ANKRD11: variants seen among roughly 807,000 people sequenced by gnomAD.
ANKRD11 encodes the protein ankyrin repeat domain-containing protein 11.
A neutral mutation model predicts 195.7 loss-of-function variants in ANKRD11; 17 were observed. The ratio of observed to expected loss-of-function variants is 0.09; its 90% confidence interval spans 0.06 to 0.13. The LOEUF (loss-of-function observed/expected upper bound fraction) is 0.13, where lower values mean the gene tolerates loss of function less well. Ranked by LOEUF, ANKRD11 falls within the 10% of genes least tolerant of loss-of-function variation. ANKRD11 has a pLI of 1.00. For synonymous variants in ANKRD11, 1,953 were observed against 1,528.1 expected (o/e 1.28, Z -6.49); for missense variants, 3,735 against 3,566.1 (o/e 1.05, Z -1.21).
intron 1 of ANKRD11, among the ~76,000 whole-genome samples, chr16:89,418,838 C>T (rs1292177427): frequency 6.6e-6 from 1 of 151,078 alleles, no homozygotes; most frequent in Non-Finnish European, 1.5e-5. Context: ...GATCTCAGCT[C>T]ACTGCAACCT....
intron 1 of ANKRD11, among the ~76,000 whole-genome samples, chr16:89,485,776 C>A (rs1224244578): frequency 6.6e-6 from 1 of 152,138 alleles, no homozygotes; most frequent in African/African-American, 2.4e-5. Flanking sequence ...CCAAAGAGAT[C>A]ATTTTTTCTT....
At chr16:89,430,823 C>T (rs2042946813) in intron 1 of ANKRD11, among the ~76,000 whole-genome samples, 1 of 152,182 alleles carries the variant, frequency 6.6e-6, no homozygotes, top group Admixed American at 6.5e-5. Flanking sequence ...AGGGAGTTTG[C>T]TCCTCACATA....
Position 89,280,479 on chromosome 16 carries a change from A to C in ANKRD11, c.6063T>G (p.Ser2021=), listed in dbSNP as rs2034114376. The part of the protein sequence containing the change: ...SEAPYPAPPA[S]PAPYALPVAE... ...CGACGGGCAGAGCGTACGGGGCAGG[A>C]GAGGCGGGAGGGGCGGGGTACGGCG... The change falls in exon 9 of 13, where the codon TCT becomes TCG. Residue 2021 remains serine (S), a synonymous_variant. Coordinates refer to ENST00000301030, the MANE Select transcript of ANKRD11 (RefSeq NM_013275.6). 1 of 1,587,094 alleles carries C rather than the reference A, an allele frequency of 6.3e-7. No individual in the cohort carries two copies. Among genetic ancestry groups the C allele is most frequent in the Non-Finnish European group, 8.6e-7 (1 of 1,167,302 alleles).
intron 3 of ANKRD11, among the ~76,000 whole-genome samples, chr16:89,314,540 C>G (rs1030413446): frequency 4.6e-5 from 7 of 152,208 alleles, no homozygotes; most frequent in Admixed American, 4.6e-4. Context: ...GCTCTTCCGG[C>G]CTTTCTCGTC....
At chr16:89,352,689 C>A (rs1354453308) in intron 2 of ANKRD11, among the ~76,000 whole-genome samples, 3 of 152,228 alleles carry the variant, frequency 2.0e-5, no homozygotes, top group African/African-American at 7.2e-5. Context: ...CCTTCTCCAC[C>A]CAATTCACCA....
At chr16:89,427,043 GTCA>G (rs1205108350) in intron 1 of ANKRD11, among the ~76,000 whole-genome samples, 1 of 152,090 alleles carries the variant, frequency 6.6e-6, no homozygotes, top group African/African-American at 2.4e-5. Context: ...AAGGTCTTCA[GTCA>G]GTCAGTCAAT....
chr16:89,349,911 CAT>C (rs562418708), intron 2 of ANKRD11, among the ~76,000 whole-genome samples: 19,448 of 85,650 alleles, frequency 0.23, 1,416 homozygotes, highest in Middle Eastern at 0.34. Context: ...CACACACACA[CAT>C]ATTCAAACAA....
At chr16:89,452,097 A>G (rs980649271) in intron 1 of ANKRD11, among the ~76,000 whole-genome samples, 1 of 151,672 alleles carries the variant, frequency 6.6e-6, no homozygotes, top group African/African-American at 2.4e-5. Flanking sequence ...CATCTCTACT[A>G]AAATACAAAA....
intron 1 of ANKRD11, among the ~76,000 whole-genome samples, chr16:89,483,971 T>C (rs1384909764): frequency 6.6e-6 from 1 of 152,190 alleles, no homozygotes; most frequent in African/African-American, 2.4e-5. Flanking sequence ...ACAATTATAG[T>C]GAAGAAAAAA....
At chr16:89,430,887 G>T (rs888320520) in intron 1 of ANKRD11, among the ~76,000 whole-genome samples, 2 of 152,146 alleles carry the variant, frequency 1.3e-5, no homozygotes, top group South Asian at 4.1e-4. Context: ...CCCTGCCTGT[G>T]CTCTCCTCTT....
At chr16:89,355,608 A>G (rs530116684) in intron 2 of ANKRD11, among the ~76,000 whole-genome samples, 1 of 152,294 alleles carries the variant, frequency 6.6e-6, no homozygotes, top group East Asian at 1.9e-4. Context: ...AATAGACTGA[A>G]ATGTCACAGT....
At chr16:89,326,473 G>A (rs1000291388) in intron 2 of ANKRD11, among the ~76,000 whole-genome samples, 8 of 151,408 alleles carry the variant, frequency 5.3e-5, no homozygotes, top group Non-Finnish European at 1.2e-4. Flanking sequence ...GGCCAGGCAC[G>A]GTGGCTCACC....
chr16:89,289,089 G>A (rs2034853373), intron 6 of ANKRD11: 2 of 284,950 alleles, frequency 7.0e-6, no homozygotes, highest in Non-Finnish European at 1.4e-5. Flanking sequence ...GAAGGCTGAA[G>A]AGCTGCTACA....
At chr16:89,297,515 TACAGC>T (rs1046430951) in intron 4 of ANKRD11, 1 of 152,006 alleles carries the variant, frequency 6.6e-6, no homozygotes, top group Non-Finnish European at 1.5e-5. Flanking sequence ...AGCCATGAAA[TACAGC>T]ACTTCTGGCC....
intron 2 of ANKRD11, among the ~76,000 whole-genome samples, chr16:89,402,953 A>T (rs2041761147): frequency 6.6e-6 from 1 of 152,134 alleles, no homozygotes; most frequent in African/African-American, 2.4e-5. Context: ...CTGCCAGTGG[A>T]GACCTCTTTT....
Position 89,490,502 on chromosome 16 carries a change from C to T in ANKRD11, c.-402G>A, listed in dbSNP as rs1166254207. The T allele has an allele frequency of 8.6e-6, 4 of 466,054 alleles. No homozygotes were observed. The highest frequency in any genetic ancestry group is 3.4e-5 in the Admixed American group (1 of 29,262). The allele number at this position is 466,054 out of a possible 1,614,324, so 28.9% of individuals were successfully genotyped here. A position where few individuals can be genotyped will look rare whatever the true frequency, so the allele number is the denominator to read the frequency against. On this transcript the variant is annotated 5_prime_UTR_variant, in exon 1 of 13. Coordinates refer to ENST00000301030, the MANE Select transcript of ANKRD11 (RefSeq NM_013275.6). ...ATGGGGCGTCTGGCCGCGGGCTCGG[C>T]GGCGGCGCCTCCCCGGCTGGGGCCC...
At chr16:89,328,652 A>T (rs1222133401) in intron 2 of ANKRD11, among the ~76,000 whole-genome samples, 92 of 148,036 alleles carry the variant, frequency 6.2e-4, no homozygotes, top group African/African-American at 2.3e-3. Context: ...GGGCGAAATC[A>T]GCGGAGGCCC....
intron 1 of ANKRD11, among the ~76,000 whole-genome samples, chr16:89,418,650 A>G (rs751563324): frequency 1.4e-4 from 22 of 152,234 alleles, no homozygotes; most frequent in Non-Finnish European, 2.6e-4. Context: ...TGAAATCACC[A>G]TAAAACCAGA....
intron 1 of ANKRD11, among the ~76,000 whole-genome samples, chr16:89,425,999 C>G (rs770822749): frequency 6.6e-6 from 1 of 152,174 alleles, no homozygotes; most frequent in Non-Finnish European, 1.5e-5. Context: ...CGATTTCACA[C>G]AACCGTTCTT....
Sources: gnomAD v4.1 joint callset for allele counts (sites outside exome capture counted in the v4.1 genomes callset) on GRCh38, gnomAD v4.1.1 for gene constraint, MANE v1.5 for transcripts, NCBI Gene and HGNC (gene_info 2026-07-23, HGNC 2026-07-21) for gene names.